The following MCCC1 variants were observed in gnomAD, a reference collection of about 807,000 sequenced individuals.
MCCC1 encodes the protein methylcrotonyl-CoA carboxylase subunit 1, also known as methylcrotonoyl-CoA carboxylase subunit alpha, mitochondrial.
A neutral mutation model predicts 83.8 loss-of-function variants in MCCC1; 64 were observed. The ratio of observed to expected loss-of-function variants is 0.76; its 90% CI spans 0.62 to 0.94. The LOEUF is 0.94. Ranked by LOEUF, MCCC1 falls within the 40% of genes least tolerant of loss-of-function variation. The pLI is 0.00. For missense variants in MCCC1, 807 were observed against 904.7 expected, an observed-to-expected ratio of 0.89 and a Z score of 1.39; for synonymous variants, 322 against 315.4, an observed-to-expected ratio of 1.02 and a Z score of -0.22.
intron 1 of MCCC1, among the ~76,000 whole-genome samples, chr3:183,096,061 T>A (rs981392934): frequency 2.0e-5 from 3 of 152,064 alleles, no homozygotes; most frequent in Non-Finnish European, 4.4e-5. Flanking sequence ...GTGGGCTGGG[T>A]GCAGTGGCTC....
At chr3:183,053,263 G>A (rs563847238) in intron 8 of MCCC1, among the ~76,000 whole-genome samples, 7 of 152,054 alleles carry the variant, frequency 4.6e-5, no homozygotes, top group Non-Finnish European at 2.9e-5. Context: ...TTGAGCCCAG[G>A]AGATTGATAC....
chr3:183,095,423 C>G (rs1468103615), intron 1 of MCCC1, among the ~76,000 whole-genome samples: 1 of 152,014 alleles, frequency 6.6e-6, no homozygotes, highest in South Asian at 2.1e-4. Flanking sequence ...AAAAGTAAGA[C>G]CAGAGAAATA....
rs1386628789 is a variant in MCCC1 at position 183,044,490 on chromosome 3, T to C, written c.1083+923A>G. ...TTTACTCTGAATGAACATTTACTCATGGGCCCGCAACAGCCATAAATCCGC... is the reference window on the plus strand; with the variant it reads ...TTTACTCTGAATGAACATTTACTCACGGGCCCGCAACAGCCATAAATCCGC... On this transcript the variant is annotated intron_variant, in intron 10 of 18. Coordinates refer to ENST00000265594, the MANE Select transcript of MCCC1 (RefSeq NM_020166.5). Among the ~76,000 whole-genome samples, 3 of 152,332 alleles carry C rather than the reference T, an allele frequency of 2.0e-5. 1 individual carries two copies. Among genetic ancestry groups the C allele is most frequent in the Middle Eastern group, 6.8e-3 (2 of 294 alleles).
intron 4 of MCCC1, among the ~76,000 whole-genome samples, chr3:183,084,838 CT>C (rs1167450588): frequency 7.2e-5 from 11 of 152,120 alleles, no homozygotes; most frequent in African/African-American, 2.7e-4. Flanking sequence ...GGGAGGATTG[CT>C]TGAACCCTCA....
At position 183,072,484 on chromosome 3, in the gene MCCC1, T is replaced by C. The variant is rs780072787; in HGVS notation, c.373A>G (p.Ile125Val). The change falls in exon 5 of 19, where the codon ATC becomes GTC. Residue 125 changes from isoleucine to valine, a missense_variant. Physicochemically the swap from Ile to Val is conservative, Grantham distance 29. Coordinates refer to ENST00000265594, the MANE Select transcript of MCCC1 (RefSeq NM_020166.5). Reference protein sequence around the residue: ...QVAKTSAAQAIHPGCGFLSEN... With the variant: ...QVAKTSAAQAVHPGCGFLSEN... The stretch of plus-strand genomic sequence containing the variant: ...GAGAGAAAACCGCATCCTGGATGGA[T>C]AGCCTAGAAATGAGAAATAAAATAA... 3.7e-6 allele frequency: 6 copies of C among 1,613,712 alleles called. No individual in the cohort carries two copies. In the Admixed American group the frequency reaches 5.0e-5, roughly 13 times the overall value.
At chr3:183,020,850 G>A (rs955876876) in intron 16 of MCCC1, among the ~76,000 whole-genome samples, 1 of 152,050 alleles carries the variant, frequency 6.6e-6, no homozygotes, top group African/African-American at 2.4e-5. Context: ...ACGAGGTCAG[G>A]GGATCAAAAC....
At chr3:183,021,709 G>A (rs939076234) in intron 16 of MCCC1, among the ~76,000 whole-genome samples, 2 of 152,054 alleles carry the variant, frequency 1.3e-5, no homozygotes, top group African/African-American at 4.8e-5. Context: ...TTACTGTAGC[G>A]TAATTGGCTA....
chr3:183,107,983 A>G (rs2108585232), intron 1 of MCCC1, among the ~76,000 whole-genome samples: 1 of 152,354 alleles, frequency 6.6e-6, no homozygotes, highest in Non-Finnish European at 1.5e-5. Flanking sequence ...TCTCAAAAAG[A>G]TTATTGAGCA....
chr3:183,078,437 A>G (rs1553864634), intron 4 of MCCC1, among the ~76,000 whole-genome samples: 1 of 151,988 alleles, frequency 6.6e-6, no homozygotes, highest in Non-Finnish European at 1.5e-5. Context: ...ATCAATTTCT[A>G]TTTTTTTTAA....
chr3:183,051,726 G>A (rs1466960214), intron 9 of MCCC1, among the ~76,000 whole-genome samples: 6 of 148,426 alleles, frequency 4.0e-5, no homozygotes, highest in African/African-American at 9.9e-5. Context: ...TACCTCTCTG[G>A]TGCAGGAATA....
chr3:183,105,160 C>T (rs1427182194), intron 1 of MCCC1, among the ~76,000 whole-genome samples: 1 of 152,128 alleles, frequency 6.6e-6, no homozygotes, highest in Non-Finnish European at 1.5e-5. Context: ...TCCTGACCAA[C>T]ATGGAGAAAC....
intron 4 of MCCC1, among the ~76,000 whole-genome samples, chr3:183,085,283 T>C (rs928057152): frequency 2.6e-5 from 4 of 152,102 alleles, no homozygotes; most frequent in East Asian, 1.9e-4. Flanking sequence ...GCGATTTTAT[T>C]AAAAAGTAAA....
intron 14 of MCCC1, among the ~76,000 whole-genome samples, chr3:183,029,696 T>G (rs1712892664): frequency 6.6e-6 from 1 of 152,232 alleles, no homozygotes; most frequent in African/African-American, 2.4e-5. Context: ...TCTTATTTTT[T>G]TTTCCTTTTT....
intron 2 of MCCC1, 98 bp from the exon 3 acceptor site, chr3:183,092,643 A>T: frequency 1.3e-6 from 2 of 1,507,648 alleles, no homozygotes; most frequent in South Asian, 2.3e-5. Context: ...GACTCGACTG[A>T]TAAGTTCAAG....
chr3:183,040,206 G>C (rs190080337), intron 11 of MCCC1, among the ~76,000 whole-genome samples: 2 of 151,546 alleles, frequency 1.3e-5, no homozygotes, highest in Admixed American at 1.3e-4. Context: ...TCTTGCTGTG[G>C]CTTATCCAGA....
At chr3:183,103,737 C>T (rs77462396), upstream of MCCC1, among the ~76,000 whole-genome samples, 1 of 152,216 alleles carries the variant, frequency 6.6e-6, no homozygotes, top group Non-Finnish European at 1.5e-5. Context: ...AGTCCCGCGC[C>T]GTGCGCCCGC....
At chr3:183,102,808 A>G (rs921923942), upstream of MCCC1, among the ~76,000 whole-genome samples, 3 of 55,810 alleles carry the variant, frequency 5.4e-5, no homozygotes, top group African/African-American at 1.8e-4. Context: ...TTTTTTTGAG[A>G]CGAAGTCTCT....
chr3:183,065,635 T>TC (rs1468852842), intron 7 of MCCC1, among the ~76,000 whole-genome samples: 2 of 151,716 alleles, frequency 1.3e-5, no homozygotes, highest in African/African-American at 4.8e-5. Context: ...GAATGTGGAT[T>TC]TTTTTTGTCT....
chr3:183,114,075 C>T (rs1164067172), intron 1 of MCCC1, among the ~76,000 whole-genome samples: 1 of 152,170 alleles, frequency 6.6e-6, no homozygotes, highest in African/African-American at 2.4e-5. Flanking sequence ...TGCAAGCTGA[C>T]TCCCAGCACA....
Sources: gnomAD v4.1 joint callset for allele counts (sites outside exome capture counted in the v4.1 genomes callset) on GRCh38, gnomAD v4.1.1 for gene constraint, MANE v1.5 for transcripts, NCBI Gene and HGNC (gene_info 2026-07-23, HGNC 2026-07-21) for gene names.